Variants in ZZZ3 observed in about 807,000 individuals in gnomAD.
ZZZ3 encodes zinc finger ZZ-type containing 3.
Under a neutral mutation model 95.2 loss-of-function variants are expected in ZZZ3, and 22 were observed. The ratio of observed to expected loss-of-function variants is 0.23; its 90% CI spans 0.17 to 0.33. ZZZ3 has a LOEUF of 0.33. Ranked by LOEUF, ZZZ3 falls within the 10% of genes least tolerant of loss-of-function variation. The pLI, the probability that ZZZ3 is intolerant of heterozygous loss-of-function variation, is 1.00. For missense variants in ZZZ3, 885 were observed against 1,066.5 expected (o/e 0.83, Z 2.37); for synonymous variants, 335 against 358.9 (o/e 0.93, Z 0.75).
chr1:77,633,061 C>T lies in ZZZ3; in HGVS notation c.294G>A (p.Arg98=), dbSNP rs1021022618. 1.5e-5 allele frequency: 25 copies of T among 1,613,770 alleles called. No homozygotes were observed. In the Admixed American group the frequency reaches 3.0e-4, roughly 19 times the overall value. The change falls in exon 5 of 15, where the codon AGG becomes AGA. Residue 98 remains arginine (R), a synonymous_variant. Transcript: ENST00000370801. The part of the protein sequence containing the change: ...LSSSEKDNIE[R]QAIENCERRQ... The stretch of plus-strand genomic sequence containing the variant: ...TTCTCTCACAATTTTCTATAGCCTG[C>T]CTTTCTATGTTATCCTTTTCTGAAG...
Position 77,565,762 on chromosome 1 carries a change from T to G in ZZZ3, c.2590A>C (p.Lys864Gln). The G allele has an allele frequency of 2.0e-5, 32 of 1,613,276 alleles. No individual in the cohort carries two copies. Among genetic ancestry groups the G allele is most frequent in the Non-Finnish European group, 2.7e-5 (32 of 1,179,560 alleles). The change falls in exon 15 of 15, where the codon AAG (lysine) becomes CAG (glutamine). Residue 864 changes from lysine to glutamine, a missense_variant. Physicochemically the swap from Lys to Gln is moderately conservative, Grantham distance 53. Coordinates refer to ENST00000370801, the MANE Select transcript of ZZZ3 (RefSeq NM_015534.6). The part of the protein sequence containing the change: ...SDCLHETDIH[K>Q]EDHQLEPIYR... ...ATAGGTTCTAATTGGTGATCTTCCT[T>G]GTGAATATCTGTTTCATGTAGACTG...
rs114197658 is a variant in ZZZ3 at position 77,569,540 on chromosome 1, T to C, written c.2332-1074A>G. On this transcript the variant is annotated intron_variant, in intron 12 of 14. Transcript: ENST00000370801. ...TTTAAAATTGCTGACAACACTGTGG[T>C]TCATCATCCTAGACAACTTCAAGAT... 2.7e-3 allele frequency among the ~76,000 whole-genome samples: 411 copies of C among 152,240 alleles called. 2 individuals carry two copies. The highest frequency in any genetic ancestry group is 8.8e-3 in the African/African-American group (365 of 41,528).
At chr1:77,661,055 C>CAAAAA (rs201335878) in intron 1 of ZZZ3, among the ~76,000 whole-genome samples, 1 of 80,390 alleles carries the variant, frequency 1.2e-5, no homozygotes. Context: ...TGCTTTAACG[C>CAAAAA]AAAAAAAAAA....
intron 10 of ZZZ3, 142 bp downstream of exon 10, chr1:77,579,384 AT>A (rs1442210611): frequency 1.9e-6 from 1 of 540,258 alleles, no homozygotes; most frequent in Non-Finnish European, 3.2e-6. Context: ...AATATATACA[AT>A]TTTTTTAAAA....
chr1:77,676,228 G>A (rs772674195), intron 1 of ZZZ3, among the ~76,000 whole-genome samples: 9 of 152,088 alleles, frequency 5.9e-5, no homozygotes, highest in African/African-American at 1.2e-4. Flanking sequence ...GTGTAGGGGC[G>A]CAATCTGGGC....
At chr1:77,668,218 G>A (rs77326441) in intron 1 of ZZZ3, among the ~76,000 whole-genome samples, 2 of 152,054 alleles carry the variant, frequency 1.3e-5, no homozygotes, top group Middle Eastern at 3.4e-3. Context: ...TATCAGTATT[G>A]ATTGCTTAAA....
chr1:77,665,691 T>A (rs144767837), intron 1 of ZZZ3, among the ~76,000 whole-genome samples: 1 of 152,374 alleles, frequency 6.6e-6, no homozygotes, highest in Non-Finnish European at 1.5e-5. Flanking sequence ...TTAAAATTTT[T>A]ATATTTACCA....
intron 5 of ZZZ3, among the ~76,000 whole-genome samples, chr1:77,630,906 T>C (rs1204015723): frequency 6.6e-6 from 1 of 152,216 alleles, no homozygotes; most frequent in Non-Finnish European, 1.5e-5. Flanking sequence ...AATCAAAGTA[T>C]TTATGTACAG....
intron 5 of ZZZ3, among the ~76,000 whole-genome samples, chr1:77,601,098 G>A (rs911031754): frequency 5.3e-5 from 8 of 152,188 alleles, no homozygotes; most frequent in African/African-American, 1.9e-4. Context: ...ACTGTATTAA[G>A]GTAGTGGGGA....
At chr1:77,666,289 G>A (rs779177063) in intron 1 of ZZZ3, among the ~76,000 whole-genome samples, 1 of 152,158 alleles carries the variant, frequency 6.6e-6, no homozygotes, top group African/African-American at 2.4e-5. Flanking sequence ...AGCACTTTGG[G>A]AGGCCAAGGC....
intron 4 of ZZZ3, among the ~76,000 whole-genome samples, chr1:77,635,820 C>T (rs945420042): frequency 2.0e-5 from 3 of 152,026 alleles, no homozygotes; most frequent in African/African-American, 4.8e-5. Flanking sequence ...GCAGGAGAAT[C>T]GCTTGAACCC....
intron 5 of ZZZ3, among the ~76,000 whole-genome samples, chr1:77,614,010 A>C (rs1471124032): frequency 6.6e-6 from 1 of 151,708 alleles, no homozygotes; most frequent in Non-Finnish European, 1.5e-5. Flanking sequence ...AGCCCACAAA[A>C]CATAGCTATA....
intron 5 of ZZZ3, 160 bp from the exon 6 acceptor site, chr1:77,584,815 T>C (rs1384782673): frequency 2.2e-6 from 1 of 449,890 alleles, no homozygotes. Context: ...GAGGTCTTCC[T>C]GAGTTACGAA....
chr1:77,565,555 G>T lies in ZZZ3; in HGVS notation c.*85C>A. The T allele has an allele frequency of 1.4e-6, 2 of 1,426,192 alleles. No individual in the cohort carries two copies. The highest frequency in any genetic ancestry group is 2.0e-5 in the Admixed American group (1 of 50,704). The allele number at this position is 1,426,192 out of a possible 1,614,324, so 88.3% of individuals were successfully genotyped here. On this transcript the variant is annotated 3_prime_UTR_variant, in exon 15 of 15. Coordinates refer to ENST00000370801, the MANE Select transcript of ZZZ3 (RefSeq NM_015534.6). The stretch of plus-strand genomic sequence containing the variant: ...TGAGTGTCATTTCTGGGAAAGCAGA[G>T]AATCTTTCCAAACTGTGCACATAAT...
intron 5 of ZZZ3, among the ~76,000 whole-genome samples, chr1:77,586,315 T>G (rs932520213): frequency 2.0e-5 from 3 of 152,214 alleles, no homozygotes; most frequent in Non-Finnish European, 4.4e-5. Context: ...TATCCCTGTT[T>G]TAAGCAGGAG....
chr1:77,655,658 T>C (rs1423878189), intron 1 of ZZZ3, among the ~76,000 whole-genome samples: 5 of 152,106 alleles, frequency 3.3e-5, no homozygotes, highest in Non-Finnish European at 5.9e-5. Flanking sequence ...TAGATAAAAC[T>C]CTCCTTCAGG....
At position 77,604,792 on chromosome 1, in the gene ZZZ3, G is replaced by T. The variant is rs1665070880; in HGVS notation, c.1506-20137C>A. On this transcript the variant is annotated intron_variant, in intron 5 of 14. Coordinates refer to ENST00000370801, the MANE Select transcript of ZZZ3 (RefSeq NM_015534.6). ...AAAATACACTTAACCACATTCCAAA[G>T]TTTCCTATGTTGTATCTGATAAAAT... is the stretch of plus-strand genomic sequence containing the variant. Among the ~76,000 whole-genome samples the T allele has an allele frequency of 2.0e-5, 3 of 151,972 alleles. No homozygotes were observed. The South Asian group carries it at 6.2e-4, about 32-fold the overall frequency.
At chr1:77,586,369 A>G (rs751596273) in intron 5 of ZZZ3, among the ~76,000 whole-genome samples, 1 of 152,214 alleles carries the variant, frequency 6.6e-6, no homozygotes, top group Non-Finnish European at 1.5e-5. Flanking sequence ...TGAATCTATT[A>G]AAACTTCAGT....
intron 5 of ZZZ3, among the ~76,000 whole-genome samples, chr1:77,615,845 C>T (rs185147424): frequency 9.9e-4 from 151 of 152,164 alleles, no homozygotes; most frequent in Admixed American, 2.4e-3. Flanking sequence ...TTAGATAAAA[C>T]TTGGTAATTC....
Sources: gnomAD v4.1 joint callset for allele counts (sites outside exome capture counted in the v4.1 genomes callset) on GRCh38, gnomAD v4.1.1 for gene constraint, MANE v1.5 for transcripts, NCBI Gene and HGNC (gene_info 2026-07-23, HGNC 2026-07-21) for gene names.